The following PLD5 variants were observed in gnomAD, a reference collection of about 807,000 sequenced individuals.
PLD5 encodes phospholipase D family member 5.
A neutral mutation model predicts 61.1 loss-of-function variants in PLD5; 36 were observed. The observed-to-expected ratio is 0.59, with a 90% CI of 0.45 to 0.78. PLD5 has a LOEUF of 0.78. Among genes scored for constraint, PLD5 ranks in the 30% least tolerant of loss-of-function variants. PLD5 has a pLI of 0.00. For missense variants in PLD5, 515 were observed against 644.4 expected, an observed-to-expected ratio of 0.80 and a Z score of 2.17; for synonymous variants, 243 against 242.8, an observed-to-expected ratio of 1.00 and a Z score of -0.01.
chr1:242,324,760 T>C (rs1241481313), intron 2 of PLD5, among the ~76,000 whole-genome samples: 1 of 152,156 alleles, frequency 6.6e-6, no homozygotes, highest in Non-Finnish European at 1.5e-5. Flanking sequence ...GATGTTTGAG[T>C]ATTTTTTAGA....
intron 8 of PLD5, among the ~76,000 whole-genome samples, chr1:242,105,581 G>A (rs1660991096): frequency 6.6e-6 from 1 of 152,030 alleles, no homozygotes; most frequent in Admixed American, 6.6e-5. Context: ...AGGGAAGGAA[G>A]GGCTAGTTTA....
chr1:242,330,840 G>C (rs1659124732), intron 2 of PLD5, among the ~76,000 whole-genome samples: 1 of 152,104 alleles, frequency 6.6e-6, no homozygotes, highest in Admixed American at 6.5e-5. Flanking sequence ...AGGGATTTTG[G>C]AGGTCATCTT....
At chr1:242,318,893 C>T (rs182522446) in intron 2 of PLD5, among the ~76,000 whole-genome samples, 1 of 152,194 alleles carries the variant, frequency 6.6e-6, no homozygotes, top group East Asian at 1.9e-4. Flanking sequence ...TTTATTTTAG[C>T]ACAGAGGTAG....
chr1:242,215,938 C>T (rs187542372), intron 5 of PLD5, among the ~76,000 whole-genome samples: 3 of 152,310 alleles, frequency 2.0e-5, no homozygotes, highest in Non-Finnish European at 2.9e-5. Context: ...TCTAAATCTG[C>T]CTTTTTTCAG....
chr1:242,174,596 G>A (rs1033132856), intron 5 of PLD5, among the ~76,000 whole-genome samples: 22 of 152,090 alleles, frequency 1.4e-4, no homozygotes, highest in Non-Finnish European at 2.4e-4. Context: ...AGACACATGC[G>A]CATGTATGTT....
At chr1:242,217,485 G>A (rs1009330751) in intron 5 of PLD5, among the ~76,000 whole-genome samples, 10 of 151,532 alleles carry the variant, frequency 6.6e-5, no homozygotes, top group South Asian at 2.1e-4. Flanking sequence ...TTAGCTGGGC[G>A]TGGTGGTACA....
intron 1 of PLD5, among the ~76,000 whole-genome samples, chr1:242,401,008 AC>A (rs1663899814): frequency 6.6e-6 from 1 of 152,150 alleles, no homozygotes; most frequent in Non-Finnish European, 1.5e-5. Flanking sequence ...CTAACTGCCC[AC>A]TGAACATCAC....
At chr1:242,239,823 T>C (rs1671880810) in intron 4 of PLD5, among the ~76,000 whole-genome samples, 1 of 152,178 alleles carries the variant, frequency 6.6e-6, no homozygotes, top group Admixed American at 6.5e-5. Flanking sequence ...AAAGAGGTAA[T>C]CATGGGCATC....
chr1:242,394,929 C>CATG (rs1185127195), intron 1 of PLD5, among the ~76,000 whole-genome samples: 1,313 of 45,680 alleles, frequency 0.029, 95 homozygotes, highest in East Asian at 0.097. Context: ...TATATGTATA[C>CATG]ATTATATGAA....
chr1:242,493,279 TAAA>T (rs2102979602), intron 1 of PLD5, among the ~76,000 whole-genome samples: 1 of 151,982 alleles, frequency 6.6e-6, no homozygotes, highest in African/African-American at 2.4e-5. Flanking sequence ...ACTTGACTAT[TAAA>T]AAGAAAAAAC....
At chr1:242,135,208 T>A (rs747982633) in intron 5 of PLD5, among the ~76,000 whole-genome samples, 2 of 152,198 alleles carry the variant, frequency 1.3e-5, no homozygotes, top group Non-Finnish European at 2.9e-5. Context: ...GACATTTATA[T>A]CTGCACATAA....
At chr1:242,445,824 CA>C (rs1666511162) in intron 1 of PLD5, among the ~76,000 whole-genome samples, 2 of 149,634 alleles carry the variant, frequency 1.3e-5, no homozygotes, top group South Asian at 4.2e-4. Context: ...TACTCTTCCA[CA>C]TTTCACCTCC....
At chr1:242,357,059 A>ATT (rs139988668) in intron 1 of PLD5, among the ~76,000 whole-genome samples, 1 of 150,072 alleles carries the variant, frequency 6.7e-6, no homozygotes, top group African/African-American at 2.4e-5. Context: ...AGTTAGAAGC[A>ATT]TTTTTTTTTT....
intron 5 of PLD5, among the ~76,000 whole-genome samples, chr1:242,155,797 G>A (rs553723818): frequency 2.6e-5 from 4 of 152,258 alleles, no homozygotes; most frequent in South Asian, 4.1e-4. Flanking sequence ...GAATAAGTGC[G>A]ATGAGGTGCT....
At chr1:242,304,828 G>C (rs1160856048) in intron 2 of PLD5, among the ~76,000 whole-genome samples, 2 of 152,198 alleles carry the variant, frequency 1.3e-5, no homozygotes, top group Non-Finnish European at 2.9e-5. Flanking sequence ...TTGTGAGCTG[G>C]ATTGGTGGCT....
rs34280777 is a variant in PLD5, at chr1:242,168,846, G to GTTTTTTTTTTTTT, written c.736-44194_736-44182dup. 4.4e-4 allele frequency among the ~76,000 whole-genome samples: 49 copies of GTTTTTTTTTTTTT among 111,274 alleles called. 6 individuals are homozygous for GTTTTTTTTTTTTT. Among genetic ancestry groups the GTTTTTTTTTTTTT allele is most frequent in the African/African-American group, 1.8e-3 (47 of 26,792 alleles). The allele number at this position is 111,274 out of a possible 152,430, so 73.0% of individuals were successfully genotyped here. ...TCCATGACAGTTTTTAATTAATGAA[G>GTTTTTTTTTTTTT]TTTTTTTTTTTTTTTTTTTTACCAC... is the stretch of plus-strand genomic sequence containing the variant. On this transcript the variant is annotated intron_variant, in intron 5 of 9. Coordinates refer to ENST00000536534, the MANE Select transcript of PLD5 (RefSeq NM_001372062.1).
intron 5 of PLD5, among the ~76,000 whole-genome samples, chr1:242,215,123 T>C (rs554181169): frequency 2.7e-4 from 41 of 151,178 alleles, no homozygotes; most frequent in Non-Finnish European, 4.9e-4. Flanking sequence ...CTCCTGACCT[T>C]GTGATCTGCC....
At chr1:242,389,053 CAAAA>C (rs58079845) in intron 1 of PLD5, among the ~76,000 whole-genome samples, 2 of 120,946 alleles carry the variant, frequency 1.7e-5, no homozygotes, top group Admixed American at 1.6e-4. Context: ...GACTCCATCT[CAAAA>C]AAAAAAAAAA....
chr1:242,319,780 G>C (rs1658263693), intron 2 of PLD5, among the ~76,000 whole-genome samples: 1 of 152,104 alleles, frequency 6.6e-6, no homozygotes, highest in African/African-American at 2.4e-5. Context: ...GTTAATTTTA[G>C]GTTATGTAAT....
Sources: gnomAD v4.1 joint callset for allele counts (sites outside exome capture counted in the v4.1 genomes callset) on GRCh38, gnomAD v4.1.1 for gene constraint, MANE v1.5 for transcripts, NCBI Gene and HGNC (gene_info 2026-07-23, HGNC 2026-07-21) for gene names.